The following NCEH1 variants were observed in gnomAD, a reference collection of about 807,000 sequenced individuals.
The protein encoded by NCEH1 is 2-acetyl MAGE hydrolase.
In NCEH1, 9 loss-of-function variants were observed where a neutral mutation model predicts 25.4. That is an observed-to-expected ratio of 0.35 (90% CI 0.21 to 0.62). NCEH1 has a LOEUF of 0.62. NCEH1 is among the 20% of genes least tolerant of loss of function. NCEH1 has a pLI of 0.72. For missense variants in NCEH1, 412 were observed against 501.1 expected (o/e 0.82, Z 1.70); for synonymous variants, 200 against 199.8 (o/e 1.00, Z -0.01).
intron 1 of NCEH1, among the ~76,000 whole-genome samples, chr3:172,709,644 C>G (rs1714193048): frequency 6.6e-6 from 1 of 152,138 alleles, no homozygotes; most frequent in Admixed American, 6.5e-5. Flanking sequence ...CTGCAATATC[C>G]TAGTAAGGGG....
At position 172,647,952 on chromosome 3, in the gene NCEH1, G is replaced by T. The variant is rs774708442; in HGVS notation, c.301C>A (p.Pro101Thr). 16 of 1,614,148 alleles carry T rather than the reference G, an allele frequency of 9.9e-6. No homozygotes were observed. The South Asian group carries it at 1.8e-4, about 18-fold the overall frequency. The change falls in exon 2 of 5, where the codon CCC becomes ACC. Residue 101 changes from proline to threonine, a missense_variant. By Grantham distance (38) the Pro-to-Thr change is conservative. Transcript: ENST00000475381. ...ACGCTGCGTTTCAGTGGCTCTTCGG[G>T]CTTCGGAGGGCCTTCAAACACTCTG... The part of the protein sequence containing the change: ...EVRVFEGPPK[P>T]EEPLKRSVVY...
intron 1 of NCEH1, among the ~76,000 whole-genome samples, chr3:172,653,733 C>T (rs57336505): frequency 0.36 from 32,344 of 89,406 alleles, 4,280 homozygotes; most frequent in East Asian, 0.66. Flanking sequence ...TGTTGTTGTT[C>T]TGTTTTTTTT....
intron 3 of NCEH1, among the ~76,000 whole-genome samples, chr3:172,642,266 T>C (rs542773309): frequency 6.6e-6 from 1 of 152,156 alleles, no homozygotes; most frequent in South Asian, 2.1e-4. Context: ...CTTGATCTCC[T>C]ATGCTCAAGC....
chr3:172,656,615 A>G (rs1177945031), intron 1 of NCEH1, among the ~76,000 whole-genome samples: 2 of 151,982 alleles, frequency 1.3e-5, no homozygotes, highest in African/African-American at 4.8e-5. Flanking sequence ...AAAATACAAA[A>G]ATTAGCCTGG....
chr3:172,707,459 G>GC (rs1174023379), intron 1 of NCEH1, among the ~76,000 whole-genome samples: 1 of 152,182 alleles, frequency 6.6e-6, no homozygotes, highest in Non-Finnish European at 1.5e-5. Flanking sequence ...CAACACGTAT[G>GC]CAATATAACA....
intron 1 of NCEH1, among the ~76,000 whole-genome samples, chr3:172,708,387 C>T (rs571473288): frequency 6.6e-6 from 1 of 152,264 alleles, no homozygotes; most frequent in South Asian, 2.1e-4. Flanking sequence ...CAGAGTTTCA[C>T]TCTTGTTGCC....
intron 1 of NCEH1, among the ~76,000 whole-genome samples, chr3:172,702,629 A>G (rs1465681995): frequency 2.6e-5 from 4 of 152,236 alleles, no homozygotes; most frequent in Admixed American, 1.3e-4. Context: ...GAGCTTGTTA[A>G]AATTTCACAA....
chr3:172,638,501 G>A (rs943450442), intron 3 of NCEH1, among the ~76,000 whole-genome samples: 1 of 125,110 alleles, frequency 8.0e-6, no homozygotes, highest in African/African-American at 3.1e-5. Context: ...TTGTCCACTA[G>A]ATGACATCAT....
Position 172,710,865 on chromosome 3 carries a change from G to T in NCEH1, c.120C>A (p.Phe40Leu). The T allele has an allele frequency of 6.2e-7, 1 of 1,614,104 alleles. No individual in the cohort carries two copies. The highest frequency in any genetic ancestry group is 8.5e-7 in the Non-Finnish European group (1 of 1,180,044). Reference protein sequence around the residue: ...PWKLMLLDATFRGAQQVSNLI... With the variant: ...PWKLMLLDATLRGAQQVSNLI... ...ACCTCACCACTTGCTGTGCACCCCGGAAAGTGGCGTCCAGCAGCATCAGCT... is the reference window on the plus strand; with the variant it reads ...ACCTCACCACTTGCTGTGCACCCCGTAAAGTGGCGTCCAGCAGCATCAGCT... Residue 40 changes from phenylalanine to leucine, a missense_variant, in exon 1 of 5, where the codon TTC becomes TTA. Coordinates refer to ENST00000475381, the MANE Select transcript of NCEH1 (RefSeq NM_020792.6).
intron 1 of NCEH1, among the ~76,000 whole-genome samples, chr3:172,694,242 T>A (rs1219781949): frequency 6.6e-6 from 1 of 152,214 alleles, no homozygotes; most frequent in African/African-American, 2.4e-5. Flanking sequence ...CTAAATTTAC[T>A]ATTAATCTGA....
chr3:172,639,154 T>G (rs1413412042), intron 3 of NCEH1, among the ~76,000 whole-genome samples: 6 of 151,878 alleles, frequency 4.0e-5, no homozygotes, highest in African/African-American at 1.2e-4. Flanking sequence ...CAAAAATTGC[T>G]GGGTGTGGTG....
chr3:172,634,548 G>C (rs1246442726), intron 4 of NCEH1, among the ~76,000 whole-genome samples: 2 of 152,140 alleles, frequency 1.3e-5, no homozygotes, highest in African/African-American at 4.8e-5. Flanking sequence ...GTTTAAGTAG[G>C]ACCTCAGGGT....
chr3:172,656,658 C>T (rs6773302), intron 1 of NCEH1, among the ~76,000 whole-genome samples: 51,539 of 151,840 alleles, frequency 0.34, 11,544 homozygotes, highest in African/African-American at 0.64. Flanking sequence ...CCCAGCTACT[C>T]GGGAGGCTGA....
intron 1 of NCEH1, among the ~76,000 whole-genome samples, chr3:172,653,737 TTTTTTTGTTTTTTTGTTTTTTTG>T (rs1560186364): frequency 3.0e-5 from 2 of 67,106 alleles, no homozygotes; most frequent in African/African-American, 1.6e-4. Flanking sequence ...GTTGTTCTGT[TTTTTTTGTTTTTTTGTTTTTTTG>T]TTTTTTTTTT....
At chr3:172,665,617 G>C (rs940651357) in intron 1 of NCEH1, among the ~76,000 whole-genome samples, 1 of 152,176 alleles carries the variant, frequency 6.6e-6, no homozygotes, top group African/African-American at 2.4e-5. Context: ...GGCAGGCCTC[G>C]TTGAGCTGTG....
At chr3:172,674,696 C>T (rs186676012) in intron 1 of NCEH1, among the ~76,000 whole-genome samples, 9 of 152,258 alleles carry the variant, frequency 5.9e-5, no homozygotes, top group African/African-American at 2.2e-4. Flanking sequence ...ATTTACTATG[C>T]CACTCTTGTG....
At position 172,648,129 on chromosome 3, in the gene NCEH1, A is replaced by AG; in HGVS notation, c.139-16dup. On this transcript the variant is annotated splice_polypyrimidine_tract_variant and intron_variant, in intron 1 of 4. Transcript: ENST00000475381. ...ATCAGGTTACTCTGCAGGGCGAGGGAGGAAATAAAGAGGGAGGGCGCACGT... is the reference window on the plus strand; with the variant it reads ...ATCAGGTTACTCTGCAGGGCGAGGGAGGGAAATAAAGAGGGAGGGCGCACGT... 6.2e-7 allele frequency: 1 copy of AG among 1,613,620 alleles called. No individual in the cohort carries two copies.
At chr3:172,642,307 G>A (rs536748788) in intron 3 of NCEH1, among the ~76,000 whole-genome samples, 140 of 152,104 alleles carry the variant, frequency 9.2e-4, no homozygotes, top group Middle Eastern at 3.4e-3. Flanking sequence ...TTGAGTAGCT[G>A]GAACTACAGG....
intron 1 of NCEH1, among the ~76,000 whole-genome samples, chr3:172,652,585 T>C (rs1717452739): frequency 6.6e-6 from 1 of 152,226 alleles, no homozygotes; most frequent in Non-Finnish European, 1.5e-5. Flanking sequence ...ATAAGTTTCC[T>C]ACCTAAAGGA....
Sources: allele counts gnomAD v4.1 joint callset (sites outside exome capture counted in the v4.1 genomes callset), GRCh38; gene constraint gnomAD v4.1.1; transcripts MANE v1.5; gene names NCBI Gene and HGNC (gene_info 2026-07-23, HGNC 2026-07-21).